ABCA12: variants seen among roughly 807,000 people sequenced by gnomAD.
ABCA12 encodes glucosylceramide transporter ABCA12.
A neutral mutation model predicts 293.5 loss-of-function variants in ABCA12; 156 were observed. The ratio of observed to expected loss-of-function variants is 0.53; its 90% CI spans 0.47 to 0.61. ABCA12 has a LOEUF of 0.61. ABCA12 is among the 20% of genes least tolerant of loss of function. ABCA12 has a pLI of 0.00. For synonymous variants in ABCA12, 1,063 were observed against 1,108.0 expected (o/e 0.96, Z 0.81); for missense variants, 2,797 against 3,090.2 (o/e 0.91, Z 2.25).
chr2:214,946,646 A>G (rs973380487), intron 48 of ABCA12, among the ~76,000 whole-genome samples: 3 of 152,152 alleles, frequency 2.0e-5, no homozygotes, highest in African/African-American at 7.2e-5. Flanking sequence ...GGTGATTTAT[A>G]GCTGCATTAT....
chr2:215,046,029 A>G lies in ABCA12; in HGVS notation c.694-14T>C, dbSNP rs961009074. 11 of 1,612,262 alleles carry G rather than the reference A, an allele frequency of 6.8e-6. 1 individual carries two copies. The South Asian group carries it at 9.9e-5, about 14-fold the overall frequency. ...GTCACTGGATAGCTTAAAATATAAAACCACAAACAGAGCAAAATGAGACTT... is the reference window on the plus strand; with the variant it reads ...GTCACTGGATAGCTTAAAATATAAAGCCACAAACAGAGCAAAATGAGACTT... On this transcript the variant is annotated splice_polypyrimidine_tract_variant and intron_variant, in intron 6 of 52. Coordinates refer to ENST00000272895, the MANE Select transcript of ABCA12 (RefSeq NM_173076.3).
At chr2:215,019,903 T>TGGGTTGCAGTGA in intron 11 of ABCA12, 107 bp from the exon 12 acceptor site, 1 of 1,334,344 alleles carries the variant, frequency 7.5e-7, no homozygotes, top group Non-Finnish European at 1.1e-6. Context: ...AAAAACATTC[T>TGGGTTGCAGTGA]GCCTATGTAT....
Position 214,979,059 on chromosome 2 carries a change from A to G in ABCA12, c.4741-19T>C. On this transcript the variant is annotated intron_variant, in intron 31 of 52. Transcript: ENST00000272895. The stretch of plus-strand genomic sequence containing the variant: ...TTGGACTCTAAGAGAGAAAAGTAGG[A>G]ATTAAAACACTCTCCTCTCTTTACA... 6.2e-7 allele frequency: 1 copy of G among 1,600,510 alleles called. No homozygotes were observed. Among genetic ancestry groups the G allele is most frequent in the South Asian group, 1.1e-5 (1 of 90,854 alleles).
intron 2 of ABCA12, among the ~76,000 whole-genome samples, chr2:215,086,283 C>T (rs1350640784): frequency 6.6e-6 from 1 of 152,208 alleles, no homozygotes; most frequent in Non-Finnish European, 1.5e-5. Flanking sequence ...AATCTACAAT[C>T]CAGAGGCTGT....
At chr2:215,058,693 C>T (rs1214236890) in intron 3 of ABCA12, among the ~76,000 whole-genome samples, 5 of 152,000 alleles carry the variant, frequency 3.3e-5, no homozygotes, top group Admixed American at 1.3e-4. Context: ...GACCCGGCCA[C>T]ATGCACGGTA....
At chr2:215,015,208 A>G (rs1410348215) in intron 15 of ABCA12, among the ~76,000 whole-genome samples, 1 of 152,196 alleles carries the variant, frequency 6.6e-6, no homozygotes, top group Non-Finnish European at 1.5e-5. Context: ...TTTGAAATAC[A>G]ACATTTGTAT....
chr2:214,981,669 T>C (rs1559128400), intron 30 of ABCA12, among the ~76,000 whole-genome samples: 1 of 151,644 alleles, frequency 6.6e-6, no homozygotes, highest in Non-Finnish European at 1.5e-5. Flanking sequence ...AAAGATATCA[T>C]ATTCGATAAA....
chr2:215,008,808 C>T (rs773907233), intron 18 of ABCA12, among the ~76,000 whole-genome samples: 7 of 151,940 alleles, frequency 4.6e-5, no homozygotes, highest in Non-Finnish European at 7.4e-5. Context: ...AAAAAGACCA[C>T]GCTTAAAACA....
At chr2:215,070,032 C>T (rs113507171) in intron 2 of ABCA12, among the ~76,000 whole-genome samples, 58 of 152,298 alleles carry the variant, frequency 3.8e-4, no homozygotes, top group African/African-American at 1.3e-3. Context: ...TAATATACAT[C>T]GTTATGTTTA....
At chr2:215,042,876 CATT>C (rs1701127880) in intron 7 of ABCA12, among the ~76,000 whole-genome samples, 1 of 152,130 alleles carries the variant, frequency 6.6e-6, no homozygotes, top group Non-Finnish European at 1.5e-5. Context: ...CTCTGGTAAT[CATT>C]ATTCTACATT....
intron 33 of ABCA12, among the ~76,000 whole-genome samples, chr2:214,977,987 A>G (rs1699558799): frequency 6.6e-6 from 1 of 150,756 alleles, no homozygotes; most frequent in Non-Finnish European, 1.5e-5. Context: ...GTTAGCCCCG[A>G]TTACAAGAAG....
In ABCA12 at chr2:215,029,726, A is replaced by T. The variant is rs913999294; in HGVS notation, c.1061+2095T>A. Among the ~76,000 whole-genome samples, 4 of 152,236 alleles carry T rather than the reference A, an allele frequency of 2.6e-5. No homozygotes were observed. The East Asian group carries it at 7.7e-4, about 29-fold the overall frequency. On this transcript the variant is annotated intron_variant, in intron 9 of 52. Transcript: ENST00000272895. The stretch of plus-strand genomic sequence containing the variant: ...TATATCTGTGTGCCACAGTTTTGGC[A>T]TAAATACCCAATTATTCCCTTACAA...
chr2:215,003,746 A>G, intron 20 of ABCA12, among the ~76,000 whole-genome samples: 1 of 151,760 alleles, frequency 6.6e-6, no homozygotes, highest in East Asian at 1.9e-4. Context: ...TGGCTCACTG[A>G]AACCTCCACC....
At chr2:214,947,660 G>A (rs1381329676) in intron 47 of ABCA12, 104 bp from the exon 48 acceptor site, 4 of 1,317,640 alleles carry the variant, frequency 3.0e-6, no homozygotes, top group Admixed American at 4.2e-5. Context: ...ATGTTATCAT[G>A]GAGAATATAT....
chr2:215,042,419 T>A (rs1256289547), intron 7 of ABCA12: 1 of 152,088 alleles, frequency 6.6e-6, no homozygotes, highest in Non-Finnish European at 1.5e-5. Flanking sequence ...TATTTTATTT[T>A]ATTTTTTTGT....
At chr2:215,039,482 G>T (rs1005305994) in intron 7 of ABCA12, among the ~76,000 whole-genome samples, 1 of 152,146 alleles carries the variant, frequency 6.6e-6, no homozygotes, top group Non-Finnish European at 1.5e-5. Flanking sequence ...AAGGCCGGGC[G>T]CAGTGGCTCA....
intron 17 of ABCA12, among the ~76,000 whole-genome samples, chr2:215,010,806 A>G (rs1409606): frequency 1 from 151,964 of 152,262 alleles, 75,835 homozygotes; most frequent in East Asian, 1. Flanking sequence ...ACCAACCACT[A>G]GGATAGTACC....
At chr2:214,950,408 GTGTGTGTGTGTGTA>G (rs1191296890) in intron 45 of ABCA12, among the ~76,000 whole-genome samples, 8 of 140,730 alleles carry the variant, frequency 5.7e-5, no homozygotes, top group African/African-American at 2.1e-4. Flanking sequence ...GTGTGTGTGT[GTGTGTGTGTGTGTA>G]TATATATGCA....
chr2:215,011,880 A>G (rs1446133680), intron 16 of ABCA12, 91 bp downstream of exon 16: 8 of 1,192,338 alleles, frequency 6.7e-6, no homozygotes, highest in Admixed American at 4.5e-5. Flanking sequence ...TTTTTTTTTC[A>G]ATGTACTACG....
Sources: gnomAD v4.1 joint callset for allele counts (sites outside exome capture counted in the v4.1 genomes callset) on GRCh38, gnomAD v4.1.1 for gene constraint, MANE v1.5 for transcripts, NCBI Gene and HGNC (gene_info 2026-07-23, HGNC 2026-07-21) for gene names.